Variants in BCL7A observed in about 807,000 individuals in gnomAD.
BCL7A encodes the protein BAF chromatin remodeling complex subunit BCL7A.
BCL7A carries 11 observed loss-of-function variants against 28.4 expected under a neutral mutation model. The ratio of observed to expected loss-of-function variants is 0.39; its 90% confidence interval spans 0.24 to 0.64. The LOEUF is 0.64. Among genes scored for constraint, BCL7A ranks in the 30% least tolerant of loss-of-function variants. The pLI is 0.50. For missense variants in BCL7A, 222 were observed against 274.8 expected, an observed-to-expected ratio of 0.81 and a Z score of 1.36; for synonymous variants, 123 against 103.3, an observed-to-expected ratio of 1.19 and a Z score of -1.15.
chr12:122,022,544 A>G (rs1305354731), intron 1 of BCL7A, among the ~76,000 whole-genome samples: 1 of 142,084 alleles, frequency 7.0e-6, no homozygotes, highest in Non-Finnish European at 1.6e-5. Flanking sequence ...GTTTTGTGCA[A>G]GTCACATGAA....
At chr12:122,030,159 C>A (rs985874255) in intron 1 of BCL7A, among the ~76,000 whole-genome samples, 3 of 152,236 alleles carry the variant, frequency 2.0e-5, no homozygotes, top group Admixed American at 1.3e-4. Context: ...CACTCCCTGG[C>A]TCTCCTTGGC....
rs1451459343 is a variant in BCL7A, at chr12:122,021,963, T to TGTGC, written c.-125_-122dup. On this transcript the variant is annotated 5_prime_UTR_variant, in exon 1 of 6. Coordinates refer to ENST00000261822, the MANE Select transcript of BCL7A (RefSeq NM_001024808.3). ...GTGTGTGTGTGTGTGTGTGTGAGTG[T>TGTGC]GTGCGTGTGAGAGTGCGAGTGTCTG... The TGTGC allele has an allele frequency of 9.3e-6, 6 of 643,930 alleles. No homozygotes were observed. The highest frequency in any genetic ancestry group is 4.2e-4 in the Middle Eastern group (1 of 2,360). 39.9% of individuals were successfully genotyped at this position (643,930 alleles called of 1,614,324 possible).
intron 1 of BCL7A, among the ~76,000 whole-genome samples, chr12:122,023,146 T>C (rs534578952): frequency 6.6e-6 from 1 of 152,336 alleles, no homozygotes. Flanking sequence ...CGTCGGGGTC[T>C]GCTCGGAATC....
intron 1 of BCL7A, among the ~76,000 whole-genome samples, chr12:122,025,459 C>T (rs146538387): frequency 0.032 from 4,851 of 151,726 alleles, 255 homozygotes; most frequent in African/African-American, 0.11. Flanking sequence ...CCCGTCTCTA[C>T]TAAAAAAATA....
rs1883472727 is a variant in BCL7A at position 122,022,075 on chromosome 12, G to A, written c.-17G>A. Reference sequence around the variant, plus strand: ...CCGGCGGGCGCGCTCCCCAGCCTCCGTCTCCCCGCCGGAACCATGTCGGGC... The same window carrying A: ...CCGGCGGGCGCGCTCCCCAGCCTCCATCTCCCCGCCGGAACCATGTCGGGC... On this transcript the variant is annotated 5_prime_UTR_variant, in exon 1 of 6. Coordinates refer to ENST00000261822, the MANE Select transcript of BCL7A (RefSeq NM_001024808.3). 5 of 1,542,578 alleles carry A rather than the reference G, an allele frequency of 3.2e-6. No homozygotes were observed. The highest frequency in any genetic ancestry group is 2.0e-4 in the Middle Eastern group (1 of 4,960).
chr12:122,024,803 T>A (rs2135836783), intron 1 of BCL7A, among the ~76,000 whole-genome samples: 1 of 152,290 alleles, frequency 6.6e-6, no homozygotes, highest in African/African-American at 2.4e-5. Flanking sequence ...ATTATCTAAT[T>A]TATCTGAAAT....
intron 2 of BCL7A, among the ~76,000 whole-genome samples, chr12:122,032,011 C>T (rs998098305): frequency 6.6e-6 from 1 of 152,304 alleles, no homozygotes; most frequent in African/African-American, 2.4e-5. Flanking sequence ...GGGAAGATGG[C>T]GCAGACTAAC....
chr12:122,031,517 C>G (rs1396356139), intron 2 of BCL7A, among the ~76,000 whole-genome samples: 2 of 152,204 alleles, frequency 1.3e-5, no homozygotes, highest in Admixed American at 1.3e-4. Context: ...TCCTACTCAG[C>G]CTGTGGAGTT....
intron 4 of BCL7A, among the ~76,000 whole-genome samples, chr12:122,045,885 T>C (rs1346030150): frequency 6.6e-6 from 1 of 151,562 alleles, no homozygotes; most frequent in Non-Finnish European, 1.5e-5. Context: ...GCCCAGGAGT[T>C]CAAGACCACC....
intron 2 of BCL7A, among the ~76,000 whole-genome samples, chr12:122,032,306 G>C (rs1043600183): frequency 2.0e-5 from 3 of 152,212 alleles, no homozygotes; most frequent in Non-Finnish European, 4.4e-5. Context: ...CAAAGGGACT[G>C]AGCCTTGGTC....
rs1056899452 is a variant in BCL7A at position 122,042,481 on chromosome 12, C to G, written c.272-1405C>G. 2.0e-5 allele frequency among the ~76,000 whole-genome samples: 3 copies of G among 152,000 alleles called. No homozygotes were observed. In the South Asian group the frequency reaches 6.2e-4, roughly 32 times the overall value. ...ACCAGGCTGGCCAACATGGAGAAAC[C>G]CGTCTCTACTAAAAAATACAAAACT... is the stretch of plus-strand genomic sequence containing the variant. On this transcript the variant is annotated intron_variant, in intron 3 of 5. Transcript: ENST00000261822.
rs1951898931 is a variant in BCL7A at position 122,059,108 on chromosome 12, C to T, written c.578C>T (p.Pro193Leu). The T allele has an allele frequency of 6.2e-7, 1 of 1,611,252 alleles. No individual in the cohort carries two copies. Among genetic ancestry groups the T allele is most frequent in the African/African-American group, 1.3e-5 (1 of 74,870 alleles). ...SAISQDLEGV[P>L]PSKKMKLEAS... is the part of the protein sequence containing the mutation. ...CTCCCCAAGGATTTGGAAGGAGTGC[C>T]ACCCTCTAAAAAGATGAAACTGGAG... The change falls in exon 6 of 6, where the codon CCA becomes CTA. Residue 193 changes from proline (P) to leucine (L), a missense_variant. Physicochemically the swap from Pro to Leu is moderately conservative, Grantham distance 98. This residue lies in a region of BCL7A where 155 missense variants were observed against 145.7 expected (regional missense o/e 1.06). Transcript: ENST00000261822. The surrounding 1 kb of genome is among the most constrained non-coding windows in gnomAD (Gnocchi z 4.0).
intron 2 of BCL7A, among the ~76,000 whole-genome samples, chr12:122,035,008 GGCAGGTCCT>G (rs780417034): frequency 9.2e-5 from 14 of 152,216 alleles, no homozygotes; most frequent in Non-Finnish European, 1.8e-4. Flanking sequence ...TAAAAGAGGA[GGCAGGTCCT>G]GCCAGCCAGG....
chr12:122,023,750 C>T (rs1883536547), intron 1 of BCL7A, among the ~76,000 whole-genome samples: 1 of 152,310 alleles, frequency 6.6e-6, no homozygotes, highest in Non-Finnish European at 1.5e-5. Flanking sequence ...GAAACAGCTG[C>T]AGGCCAACAC....
At chr12:122,056,044 TAG>T (rs1951876312) in intron 5 of BCL7A, among the ~76,000 whole-genome samples, 1 of 152,224 alleles carries the variant, frequency 6.6e-6, no homozygotes, top group Non-Finnish European at 1.5e-5. Context: ...TGAGACAGAC[TAG>T]GGCGCAGCCA....
intron 4 of BCL7A, among the ~76,000 whole-genome samples, chr12:122,049,698 A>G (rs79406839): frequency 0.018 from 2,800 of 152,248 alleles, 68 homozygotes; most frequent in African/African-American, 0.064. Context: ...TTATGTGAAC[A>G]GTCCCTTAGT....
chr12:122,058,915 C>T (rs1445446579), intron 5 of BCL7A, among the ~76,000 whole-genome samples, 177 bp from the exon 6 acceptor site: 1 of 152,146 alleles, frequency 6.6e-6, no homozygotes, highest in African/African-American at 2.4e-5. Context: ...GTGAGGGTCT[C>T]CATAGGTCCT....
Position 122,021,961 on chromosome 12 carries a change from T to C in BCL7A, c.-131T>C. 4 of 619,884 alleles carry C rather than the reference T, an allele frequency of 6.5e-6. No individual in the cohort carries two copies. Among genetic ancestry groups the C allele is most frequent in the Non-Finnish European group, 1.1e-5 (4 of 351,832 alleles). 38.4% of individuals were successfully genotyped at this position (619,884 alleles called of 1,614,324 possible). On this transcript the variant is annotated 5_prime_UTR_variant, in exon 1 of 6. Transcript: ENST00000261822. Reference sequence around the variant, plus strand: ...GTGTGTGTGTGTGTGTGTGTGTGAGTGTGTGCGTGTGAGAGTGCGAGTGTC... The same window carrying C: ...GTGTGTGTGTGTGTGTGTGTGTGAGCGTGTGCGTGTGAGAGTGCGAGTGTC...
intron 4 of BCL7A, among the ~76,000 whole-genome samples, chr12:122,049,491 GGCCA>G (rs1884148290): frequency 6.6e-6 from 1 of 152,034 alleles, no homozygotes; most frequent in Non-Finnish European, 1.5e-5. Flanking sequence ...AGACCAGCCT[GGCCA>G]ACATAGTGAA....
Sources: allele counts gnomAD v4.1 joint callset (sites outside exome capture counted in the v4.1 genomes callset), GRCh38; gene constraint gnomAD v4.1.1; regional missense constraint gnomAD v4.1.1; non-coding constraint Gnocchi (gnomAD v3.1); transcripts MANE v1.5; gene names NCBI Gene and HGNC (gene_info 2026-07-23, HGNC 2026-07-21).